The following MYO16 variants were observed in gnomAD, a reference collection of about 807,000 sequenced individuals.
MYO16 encodes the protein unconventional myosin-XVI.
Under a neutral mutation model 205.3 loss-of-function variants are expected in MYO16, and 94 were observed. That is an observed-to-expected ratio of 0.46 (90% CI 0.39 to 0.54). MYO16 has a LOEUF of 0.54. Ranked by LOEUF, MYO16 falls within the 20% of genes least tolerant of loss-of-function variation. The pLI, the probability that MYO16 is intolerant of heterozygous loss-of-function variation, is 0.00. For synonymous variants in MYO16, 988 were observed against 954.0 expected (o/e 1.04, Z -0.66); for missense variants, 2,315 against 2,387.5 (o/e 0.97, Z 0.63).
chr13:109,019,894 A>G lies in MYO16; in HGVS notation c.2779A>G (p.Met927Val), dbSNP rs908950203. ...AGACCACGGTACAGCCTTCACCATCATGCACTACGCAGGAAGGGTAAGTGG... is the reference window on the plus strand; with the variant it reads ...AGACCACGGTACAGCCTTCACCATCGTGCACTACGCAGGAAGGGTAAGTGG... ...LKDHGTAFTI[M>V]HYAGRVMYDV... Residue 927 changes from methionine (M) to valine (V), a missense_variant, in exon 23 of 35, where the codon ATG becomes GTG. Around this residue, in one of 3 missense-constraint regions of MYO16, gnomAD observed 1,213 missense variants for 1,274.4 expected, o/e 0.95. Coordinates refer to ENST00000457511, the MANE Select transcript of MYO16 (RefSeq NM_001198950.3). The G allele has an allele frequency of 1.7e-5, 28 of 1,614,020 alleles. No homozygotes were observed. The Middle Eastern group carries it at 6.6e-4, about 38-fold the overall frequency.
chr13:108,540,387 CTT>C, the MYO16 span, among the ~76,000 whole-genome samples: 2 of 151,932 alleles, frequency 1.3e-5, no homozygotes, highest in African/African-American at 2.4e-5. Context: ...ATTGGAAAAA[CTT>C]TTTTTGGCCC....
At chr13:108,727,995 T>A (rs1480335507) in intron 4 of MYO16, among the ~76,000 whole-genome samples, 3 of 152,220 alleles carry the variant, frequency 2.0e-5, no homozygotes, top group African/African-American at 7.2e-5. Flanking sequence ...CTACAATGTT[T>A]GTTTACATGA....
chr13:108,625,708 C>G (rs1485481057), upstream of MYO16, among the ~76,000 whole-genome samples: 1 of 152,262 alleles, frequency 6.6e-6, no homozygotes, highest in Admixed American at 6.5e-5. Flanking sequence ...GCAATGATGC[C>G]CCATCACAGA....
chr13:108,768,043 T>C (rs1481790942), intron 4 of MYO16, among the ~76,000 whole-genome samples: 1 of 152,168 alleles, frequency 6.6e-6, no homozygotes, highest in Admixed American at 6.5e-5. Flanking sequence ...AATGGAAGCA[T>C]AGAGTGAAGT....
intron 28 of MYO16, among the ~76,000 whole-genome samples, chr13:109,118,410 G>A (rs966770183): frequency 2.0e-5 from 3 of 152,164 alleles, no homozygotes; most frequent in Non-Finnish European, 2.9e-5. Context: ...CTCCTCTCCT[G>A]CTGAGGGTCT....
At chr13:108,901,032 C>G (rs1880681383) in intron 15 of MYO16, among the ~76,000 whole-genome samples, 1 of 152,176 alleles carries the variant, frequency 6.6e-6, no homozygotes, top group South Asian at 2.1e-4. Context: ...TCCCACAGCA[C>G]TCCCAGGCTT....
chr13:108,901,057 A>T (rs2139211408), intron 15 of MYO16, among the ~76,000 whole-genome samples: 1 of 152,244 alleles, frequency 6.6e-6, no homozygotes, highest in East Asian at 1.9e-4. Context: ...GGACGAGGAA[A>T]TTCCCGCCTA....
chr13:108,834,565 T>C (rs1876797234), intron 9 of MYO16, among the ~76,000 whole-genome samples: 1 of 152,134 alleles, frequency 6.6e-6, no homozygotes, highest in Non-Finnish European at 1.5e-5. Flanking sequence ...CTACCCCACC[T>C]TTGTGATGAA....
intron 23 of MYO16, 74 bp from the exon 24 acceptor site, chr13:109,046,842 G>A (rs1346759950): frequency 2.0e-5 from 26 of 1,292,118 alleles, no homozygotes; most frequent in Admixed American, 9.1e-5. Context: ...GCTGGGTCAA[G>A]TTATCCTTTA....
intron 3 of MYO16, among the ~76,000 whole-genome samples, chr13:108,725,024 GTTTAA>G: frequency 6.6e-6 from 1 of 151,748 alleles, no homozygotes; most frequent in African/African-American, 2.4e-5. Context: ...GTCATATTTT[GTTTAA>G]TTTATGTTGC....
the MYO16 span, among the ~76,000 whole-genome samples, chr13:108,550,809 A>G: frequency 6.6e-6 from 1 of 152,206 alleles, no homozygotes; most frequent in African/African-American, 2.4e-5. Flanking sequence ...GGAGAAAAGC[A>G]TTATATTATT....
intron 9 of MYO16, among the ~76,000 whole-genome samples, chr13:108,839,679 C>T (rs1877128770): frequency 6.6e-6 from 1 of 152,188 alleles, no homozygotes; most frequent in African/African-American, 2.4e-5. Context: ...ACAGCACTTT[C>T]TCTAGTGTTG....
At chr13:108,888,569 C>A (rs1213068838) in intron 14 of MYO16, 92 bp downstream of exon 14, 3 of 679,870 alleles carry the variant, frequency 4.4e-6, no homozygotes, top group Non-Finnish European at 4.6e-6. Context: ...ATAATAGATA[C>A]AAGGGGGTTC....
At chr13:108,923,296 G>A (rs1324244377) in intron 16 of MYO16, among the ~76,000 whole-genome samples, 1 of 152,232 alleles carries the variant, frequency 6.6e-6, no homozygotes, top group Admixed American at 6.5e-5. Context: ...ATAGGAATGG[G>A]AAATTCAGAC....
At chr13:108,530,049 C>T in the MYO16 span, among the ~76,000 whole-genome samples, 1 of 152,204 alleles carries the variant, frequency 6.6e-6, no homozygotes, top group African/African-American at 2.4e-5. Context: ...GGTCCGTGTG[C>T]ATTCCCAATT....
intron 2 of MYO16, 63 bp downstream of exon 2, chr13:108,666,212 T>C (rs184228243): frequency 1.3e-6 from 2 of 1,491,628 alleles, no homozygotes; most frequent in East Asian, 2.4e-5. Context: ...TTTTTGTTGG[T>C]TTGTTGTTTT....
chr13:108,984,523 T>G (rs916601265), intron 20 of MYO16, among the ~76,000 whole-genome samples: 1 of 152,216 alleles, frequency 6.6e-6, no homozygotes, highest in Admixed American at 6.5e-5. Context: ...TTTCAGTGGT[T>G]GGTAATCATA....
At position 109,181,243 on chromosome 13, in the gene MYO16, C is replaced by G. The variant is rs931434374; in HGVS notation, c.5415+1610C>G. On this transcript the variant is annotated intron_variant, in intron 34 of 34. Coordinates refer to ENST00000457511, the MANE Select transcript of MYO16 (RefSeq NM_001198950.3). ...AGGAACTGCCAGTCATCTTGGGGCA[C>G]ATTCTTTTTCTCAAGGAAACTGAAA... Among the ~76,000 whole-genome samples the G allele has an allele frequency of 3.3e-5, 5 of 149,636 alleles. No homozygotes were observed. The South Asian group carries it at 6.4e-4, about 19-fold the overall frequency.
chr13:109,112,233 A>G lies in MYO16; in HGVS notation c.3439-8137A>G, dbSNP rs9521177. 8.3e-4 allele frequency among the ~76,000 whole-genome samples: 127 copies of G among 152,210 alleles called. 1 individual carries two copies. The highest frequency in any genetic ancestry group is 1.0e-3 in the Non-Finnish European group (70 of 68,032). ...AGGGCTTTATAGGCAACATAAAATCATTGAAGTTTCTAGAAGACCAATAAA... is the reference window on the plus strand; with the variant it reads ...AGGGCTTTATAGGCAACATAAAATCGTTGAAGTTTCTAGAAGACCAATAAA... On this transcript the variant is annotated intron_variant, in intron 28 of 34. Transcript: ENST00000457511.
Sources: allele counts gnomAD v4.1 joint callset (sites outside exome capture counted in the v4.1 genomes callset), GRCh38; gene constraint gnomAD v4.1.1; regional missense constraint gnomAD v4.1.1; transcripts MANE v1.5; gene names NCBI Gene and HGNC (gene_info 2026-07-23, HGNC 2026-07-21).